Variants in MYBPC1 observed in about 807,000 individuals in gnomAD.
MYBPC1 encodes the protein myosin-binding protein C, slow-type.
A neutral mutation model predicts 147.1 loss-of-function variants in MYBPC1; 52 were observed. The ratio of observed to expected loss-of-function variants is 0.35; its 90% CI spans 0.28 to 0.45. The LOEUF (loss-of-function observed/expected upper bound fraction) is 0.45, where lower values mean the gene tolerates loss of function less well. Ranked by LOEUF, MYBPC1 falls within the 20% of genes least tolerant of loss-of-function variation. MYBPC1 has a pLI of 1.00. For synonymous variants in MYBPC1, 477 were observed against 475.9 expected, an observed-to-expected ratio of 1.00 and a Z score of -0.03; for missense variants, 1,228 against 1,440.3, an observed-to-expected ratio of 0.85 and a Z score of 2.39.
At chr12:101,636,130 T>C (rs1329623761) in intron 9 of MYBPC1, among the ~76,000 whole-genome samples, 1 of 152,226 alleles carries the variant, frequency 6.6e-6, no homozygotes, top group Admixed American at 6.5e-5. Flanking sequence ...ATTTCTGTGT[T>C]AGCTCCTTTT....
intron 22 of MYBPC1, among the ~76,000 whole-genome samples, chr12:101,665,215 T>C (rs1290431800): frequency 3.3e-5 from 5 of 152,162 alleles, no homozygotes; most frequent in Non-Finnish European, 2.9e-5. Context: ...ATGTACACAG[T>C]CATTATTATG....
At chr12:101,691,787 T>G in the MYBPC1 span, among the ~76,000 whole-genome samples, 2 of 152,346 alleles carry the variant, frequency 1.3e-5, no homozygotes, top group African/African-American at 4.8e-5. Flanking sequence ...AAAATACATA[T>G]TTTTTAAATG....
intron 15 of MYBPC1, among the ~76,000 whole-genome samples, chr12:101,649,695 A>G (rs1010465525): frequency 6.6e-6 from 1 of 152,230 alleles, no homozygotes; most frequent in African/African-American, 2.4e-5. Flanking sequence ...CCGTAAAAAT[A>G]GGGGATAAAT....
At chr12:101,650,429 A>T (rs1315602857) in intron 15 of MYBPC1, among the ~76,000 whole-genome samples, 1 of 151,368 alleles carries the variant, frequency 6.6e-6, no homozygotes, top group African/African-American at 2.4e-5. Context: ...GAAACTTACA[A>T]TCATGGCAGA....
intron 29 of MYBPC1, among the ~76,000 whole-genome samples, chr12:101,681,564 A>T (rs1413533413): frequency 8.5e-5 from 1 of 11,704 alleles, no homozygotes; most frequent in Admixed American, 8.1e-4. Context: ...TCATATATAT[A>T]TATATATATA....
chr12:101,690,263 G>T (rs1227593472), downstream of MYBPC1, among the ~76,000 whole-genome samples: 1 of 152,034 alleles, frequency 6.6e-6, no homozygotes, highest in Non-Finnish European at 1.5e-5. Flanking sequence ...AGTGATTTGT[G>T]TGCTCATTCA....
At chr12:101,642,725 T>C in intron 11 of MYBPC1, 140 bp downstream of exon 11, 4 of 865,414 alleles carry the variant, frequency 4.6e-6, no homozygotes. Flanking sequence ...GGGTTACGCT[T>C]GTCTAGACGG....
chr12:101,652,059 C>T (rs564531034), intron 16 of MYBPC1, among the ~76,000 whole-genome samples: 6 of 152,264 alleles, frequency 3.9e-5, no homozygotes, highest in South Asian at 2.1e-4. Context: ...TCTTTATTTG[C>T]GTAGGGGACA....
Position 101,629,555 on chromosome 12 carries a change from A to C in MYBPC1, c.289+11A>C, listed in dbSNP as rs1446641670. ...GAACAGTGAAAGTTGGTGAGTGCCT[A>C]GCATTCAATCCTTCCTTTTTTAAAA... On this transcript the variant is annotated intron_variant, in intron 6 of 31. Coordinates refer to ENST00000361466, the MANE Select transcript of MYBPC1 (RefSeq NM_002465.4). 1 of 1,573,756 alleles carries C rather than the reference A, an allele frequency of 6.4e-7. No homozygotes were observed. Among genetic ancestry groups the C allele is most frequent in the Non-Finnish European group, 8.7e-7 (1 of 1,143,634 alleles).
chr12:101,612,653 C>G (rs1211077549), intron 1 of MYBPC1, among the ~76,000 whole-genome samples: 1 of 152,190 alleles, frequency 6.6e-6, no homozygotes, highest in Admixed American at 6.5e-5. Context: ...GGATGAGAAA[C>G]TTGTCTGTAG....
chr12:101,625,416 G>A (rs769917230), intron 3 of MYBPC1, among the ~76,000 whole-genome samples: 6 of 152,140 alleles, frequency 3.9e-5, no homozygotes, highest in South Asian at 4.1e-4. Context: ...TATACCTTGC[G>A]TAAGTCCTCA....
chr12:101,625,851 C>G (rs1019877273), intron 3 of MYBPC1, among the ~76,000 whole-genome samples: 1 of 151,750 alleles, frequency 6.6e-6, no homozygotes, highest in South Asian at 2.1e-4. Flanking sequence ...TTTGGGAGGC[C>G]GAGGCGGGTG....
intron 23 of MYBPC1, among the ~76,000 whole-genome samples, chr12:101,668,271 T>C (rs1438086681): frequency 5.3e-5 from 8 of 152,110 alleles, no homozygotes; most frequent in Non-Finnish European, 8.8e-5. Context: ...TTCATAATAT[T>C]ATGAAAATAT....
chr12:101,673,335 A>T, intron 24 of MYBPC1, 92 bp from the exon 25 acceptor site: 1 of 1,326,630 alleles, frequency 7.5e-7, no homozygotes, highest in African/African-American at 1.4e-5. Flanking sequence ...CCTGCCTAGA[A>T]TGGGTTAAGC....
At chr12:101,643,026 T>C (rs1344714135) in intron 11 of MYBPC1, among the ~76,000 whole-genome samples, 1 of 152,084 alleles carries the variant, frequency 6.6e-6, no homozygotes, top group African/African-American at 2.4e-5. Flanking sequence ...GGGTCTGAAA[T>C]GGGTCCAGTT....
chr12:101,644,633 T>A (rs1286582531), intron 11 of MYBPC1, 31 bp from the exon 12 acceptor site: 2 of 1,581,422 alleles, frequency 1.3e-6, no homozygotes, highest in Non-Finnish European at 1.7e-6. Flanking sequence ...ATACATATAT[T>A]AACATACTTT....
intron 1 of MYBPC1, among the ~76,000 whole-genome samples, chr12:101,606,707 CTG>C (rs1346354609): frequency 6.6e-6 from 1 of 152,154 alleles, no homozygotes; most frequent in Non-Finnish European, 1.5e-5. Context: ...AAGCAAGTAA[CTG>C]TGAAAATGTT....
chr12:101,671,987 G>C (rs1303740542), intron 24 of MYBPC1, among the ~76,000 whole-genome samples: 1 of 152,222 alleles, frequency 6.6e-6, no homozygotes, highest in African/African-American at 2.4e-5. Context: ...GAAACTGAAA[G>C]GGAAGTTAAG....
At chr12:101,650,007 C>T (rs1000309945) in intron 15 of MYBPC1, among the ~76,000 whole-genome samples, 1 of 152,158 alleles carries the variant, frequency 6.6e-6, no homozygotes, top group African/African-American at 2.4e-5. Flanking sequence ...ATCTTACTTC[C>T]ACATTTATTG....
Sources: allele counts gnomAD v4.1 joint callset (sites outside exome capture counted in the v4.1 genomes callset), GRCh38; gene constraint gnomAD v4.1.1; transcripts MANE v1.5; gene names NCBI Gene and HGNC (gene_info 2026-07-23, HGNC 2026-07-21).